The following CPA6 variants were observed in gnomAD, a reference collection of about 807,000 sequenced individuals.
The protein encoded by CPA6 is carboxypeptidase A6.
A neutral mutation model predicts 63.3 loss-of-function variants in CPA6; 58 were observed. The observed-to-expected ratio is 0.92, with a 90% CI of 0.74 to 1.14. The LOEUF (loss-of-function observed/expected upper bound fraction) is 1.14, where lower values mean the gene tolerates loss of function less well. Ranked by LOEUF, CPA6 falls within the 50% of genes most tolerant of loss-of-function variation. The probability of loss-of-function intolerance (pLI) is 0.00; values close to 1 mark genes in which losing one functional copy is unlikely to be tolerated. For synonymous variants in CPA6, 185 were observed against 179.0 expected (o/e 1.03, Z -0.27); for missense variants, 565 against 526.6 (o/e 1.07, Z -0.71).
intron 1 of CPA6, among the ~76,000 whole-genome samples, chr8:67,665,240 G>T (rs1371337195): frequency 6.6e-6 from 1 of 152,192 alleles, no homozygotes; most frequent in African/African-American, 2.4e-5. Context: ...CTAAACTTTT[G>T]TTCCATTACG....
chr8:67,719,806 G>T (rs1817456936), intron 1 of CPA6, among the ~76,000 whole-genome samples: 1 of 152,132 alleles, frequency 6.6e-6, no homozygotes, highest in African/African-American at 2.4e-5. Context: ...ATTCTGCGTG[G>T]CTGGGTTTCT....
intron 8 of CPA6, among the ~76,000 whole-genome samples, chr8:67,467,590 C>A (rs1412640673): frequency 6.6e-6 from 1 of 152,154 alleles, no homozygotes; most frequent in African/African-American, 2.4e-5. Context: ...ACATTCCTTG[C>A]GGTTTCTCTT....
chr8:67,444,129 T>C (rs929891220), intron 8 of CPA6, among the ~76,000 whole-genome samples: 1 of 151,822 alleles, frequency 6.6e-6, no homozygotes, highest in East Asian at 2.0e-4. Context: ...GTAGCTGGGA[T>C]TACAGGCACC....
At chr8:67,499,996 C>A (rs1438071263) in intron 6 of CPA6, among the ~76,000 whole-genome samples, 5 of 152,088 alleles carry the variant, frequency 3.3e-5, no homozygotes, top group Admixed American at 3.3e-4. Context: ...GTCTTAATTT[C>A]TCTGGGATAA....
intron 8 of CPA6, among the ~76,000 whole-genome samples, chr8:67,457,315 T>G (rs1045868112): frequency 6.6e-6 from 1 of 152,216 alleles, no homozygotes; most frequent in African/African-American, 2.4e-5. Flanking sequence ...ATGAATGAAT[T>G]TATTAATGTG....
intron 2 of CPA6, among the ~76,000 whole-genome samples, chr8:67,605,531 C>CTTTTTTTTTTTTTTTTTTTG (rs68153641): frequency 8.0e-6 from 1 of 125,268 alleles, no homozygotes; most frequent in African/African-American, 3.0e-5. Flanking sequence ...TATTGTATTG[C>CTTTTTTTTTTTTTTTTTTTG]TTTTTTTTTT....
At chr8:67,505,431 T>C (rs1479335049) in intron 6 of CPA6, among the ~76,000 whole-genome samples, 1 of 152,192 alleles carries the variant, frequency 6.6e-6, no homozygotes, top group African/African-American at 2.4e-5. Context: ...TTAGCTGGAA[T>C]GCTGGGGAGA....
At chr8:67,661,521 G>T (rs896954722) in intron 1 of CPA6, among the ~76,000 whole-genome samples, 5 of 152,192 alleles carry the variant, frequency 3.3e-5, no homozygotes, top group Admixed American at 2.0e-4. Flanking sequence ...CTGCCTTCAG[G>T]GCTGGCCCCA....
intron 1 of CPA6, among the ~76,000 whole-genome samples, chr8:67,741,076 G>GGAT: frequency 6.6e-6 from 1 of 152,214 alleles, no homozygotes; most frequent in East Asian, 1.9e-4. Flanking sequence ...TGGGAAAAAA[G>GGAT]GATATGCCAT....
At chr8:67,616,515 G>A (rs990065741) in intron 2 of CPA6, among the ~76,000 whole-genome samples, 1 of 141,242 alleles carries the variant, frequency 7.1e-6, no homozygotes, top group Non-Finnish European at 1.5e-5. Context: ...GTGTGTGTGT[G>A]TGTGTGTGTG....
chr8:67,450,282 A>C (rs1476755865), intron 8 of CPA6, among the ~76,000 whole-genome samples: 1 of 152,242 alleles, frequency 6.6e-6, no homozygotes. Context: ...CTTACTTCAT[A>C]TTTGGAATAA....
At position 67,449,976 on chromosome 8, in the gene CPA6, C is replaced by T. The variant is rs370981687; in HGVS notation, c.839-15736G>A. On this transcript the variant is annotated intron_variant, in intron 8 of 10. Transcript: ENST00000297770. ...GATTACAGGTGCACACCACCACGCC[C>T]GGATAATTTTTGTATTTTTAGTAGA... Among the ~76,000 whole-genome samples, 40 of 152,072 alleles carry T rather than the reference C, an allele frequency of 2.6e-4. No individual in the cohort carries two copies. In the East Asian group the frequency reaches 4.3e-3, roughly 16 times the overall value.
intron 2 of CPA6, among the ~76,000 whole-genome samples, chr8:67,594,514 G>A (rs1257758206): frequency 6.6e-6 from 1 of 152,144 alleles, no homozygotes; most frequent in Non-Finnish European, 1.5e-5. Flanking sequence ...GTCACTTTCA[G>A]GTACAACAAT....
intron 2 of CPA6, among the ~76,000 whole-genome samples, chr8:67,603,552 T>C (rs978605622): frequency 2.6e-5 from 4 of 152,198 alleles, no homozygotes; most frequent in Non-Finnish European, 5.9e-5. Flanking sequence ...TAGATTTTTG[T>C]TGAAAAAAGT....
At chr8:67,566,879 G>T (rs1228482952) in intron 2 of CPA6, among the ~76,000 whole-genome samples, 1 of 152,220 alleles carries the variant, frequency 6.6e-6, no homozygotes, top group African/African-American at 2.4e-5. Flanking sequence ...CCCAGGAATG[G>T]TGGGAAAGTA....
Position 67,484,717 on chromosome 8 carries a change from C to T in CPA6, c.709G>A (p.Val237Met). 1.2e-6 allele frequency: 2 copies of T among 1,609,738 alleles called. No individual in the cohort carries two copies. Among genetic ancestry groups the T allele is most frequent in the African/African-American group, 1.3e-5 (1 of 74,948 alleles). Residue 237 changes from valine (V) to methionine (M), a missense_variant, in exon 7 of 11, where the codon GTG becomes ATG. Transcript: ENST00000297770. ...LNHLYFYIMP[V>M]FNVDGYHFSW... Reference sequence around the variant, plus strand: ...AAATGGTATCCATCGACGTTAAACACAGGCATGATATAGAAATATAGATGA... The same window carrying T: ...AAATGGTATCCATCGACGTTAAACATAGGCATGATATAGAAATATAGATGA...
chr8:67,686,274 T>C (rs965958649), intron 1 of CPA6, among the ~76,000 whole-genome samples: 9 of 152,152 alleles, frequency 5.9e-5, no homozygotes, highest in African/African-American at 2.2e-4. Flanking sequence ...AGCTCAACTA[T>C]CTGTTTGAGA....
intron 1 of CPA6, among the ~76,000 whole-genome samples, chr8:67,649,266 T>C (rs1815783349): frequency 6.6e-6 from 1 of 152,236 alleles, no homozygotes. Context: ...GAATCTGGAA[T>C]TATCTGTTTT....
At chr8:67,590,538 C>T (rs1030497506) in intron 2 of CPA6, among the ~76,000 whole-genome samples, 14 of 151,076 alleles carry the variant, frequency 9.3e-5, no homozygotes, top group Admixed American at 2.6e-4. Context: ...TCTCCACATC[C>T]TCTCCAGCAC....
Sources: gnomAD v4.1 joint callset for allele counts (sites outside exome capture counted in the v4.1 genomes callset) on GRCh38, gnomAD v4.1.1 for gene constraint, MANE v1.5 for transcripts, NCBI Gene and HGNC (gene_info 2026-07-23, HGNC 2026-07-21) for gene names.